Variants in PPP1R14C observed in about 807,000 individuals in gnomAD.
PPP1R14C encodes protein phosphatase 1 regulatory subunit 14C.
PPP1R14C carries 16 observed loss-of-function variants against 20.4 expected under a neutral mutation model. The ratio of observed to expected loss-of-function variants is 0.78; its 90% confidence interval spans 0.53 to 1.19. The LOEUF is 1.19. Ranked by LOEUF, PPP1R14C falls within the 50% of genes most tolerant of loss-of-function variation. PPP1R14C has a pLI of 0.00. For synonymous variants in PPP1R14C, 91 were observed against 91.0 expected, an observed-to-expected ratio of 1.00 and a Z score of 0.00; for missense variants, 211 against 220.1, an observed-to-expected ratio of 0.96 and a Z score of 0.26.
chr6:150,230,648 C>A (rs1214225105), intron 3 of PPP1R14C, among the ~76,000 whole-genome samples: 3 of 152,198 alleles, frequency 2.0e-5, no homozygotes, highest in Non-Finnish European at 4.4e-5. Context: ...GTAATGTATA[C>A]AATCACTGCC....
chr6:150,170,040 T>C (rs1219276652), intron 1 of PPP1R14C, among the ~76,000 whole-genome samples: 1 of 152,194 alleles, frequency 6.6e-6, no homozygotes, highest in Non-Finnish European at 1.5e-5. Flanking sequence ...GAAGAAGTTG[T>C]ATTGCTTTTA....
chr6:150,152,939 G>A (rs1029647539), intron 1 of PPP1R14C, among the ~76,000 whole-genome samples: 5 of 152,214 alleles, frequency 3.3e-5, no homozygotes, highest in African/African-American at 7.2e-5. Context: ...AGGTGAGGTC[G>A]TGAGGGTGGA....
At position 150,185,579 on chromosome 6, in the gene PPP1R14C, C is replaced by G. The variant is rs1402052212; in HGVS notation, c.307-29165C>G. ...GCTGCTGGGTGCAGGGCTCAGGGCT[C>G]CACAGAGTGAAGGCTACCTCTGCAT... On this transcript the variant is annotated intron_variant, in intron 1 of 3. Transcript: ENST00000361131. The surrounding 1 kb of genome is among the most constrained non-coding windows in gnomAD (Gnocchi z 4.1). Among the ~76,000 whole-genome samples the G allele has an allele frequency of 6.6e-6, 1 of 152,092 alleles. No individual in the cohort carries two copies. The highest frequency in any genetic ancestry group is 1.5e-5 in the Non-Finnish European group (1 of 68,028).
At chr6:150,225,330 C>CCGTGACTGGATCCCCATGGAATTTTTAT (rs1273973145) in intron 3 of PPP1R14C, among the ~76,000 whole-genome samples, 1 of 152,142 alleles carries the variant, frequency 6.6e-6, no homozygotes, top group Non-Finnish European at 1.5e-5. Flanking sequence ...CTACCTCTGC[C>CCGTGACTGGATCCCCATGGAATTTTTAT]CGTGACTGGA....
chr6:150,168,493 A>T (rs950107271), intron 1 of PPP1R14C, among the ~76,000 whole-genome samples: 3 of 151,792 alleles, frequency 2.0e-5, no homozygotes, highest in Admixed American at 6.6e-5. Context: ...AGATAGCGCC[A>T]CTACACTCCA....
chr6:150,169,489 C>T (rs1700568280), intron 1 of PPP1R14C, among the ~76,000 whole-genome samples: 1 of 152,044 alleles, frequency 6.6e-6, no homozygotes, highest in South Asian at 2.1e-4. Flanking sequence ...CTGTATATGG[C>T]AGAAAAAAAA....
At chr6:150,194,810 T>C in intron 1 of PPP1R14C, 3 of 985,454 alleles carry the variant, frequency 3.0e-6, no homozygotes, top group South Asian at 9.4e-5. Context: ...TGTTATTCTT[T>C]AGCATCTCAG....
In PPP1R14C at chr6:150,195,169, T is replaced by C. The variant is rs981235480; in HGVS notation, c.307-19575T>C. 4 of 984,580 alleles carry C rather than the reference T, an allele frequency of 4.1e-6. No individual in the cohort carries two copies. In the African/African-American group the frequency reaches 5.2e-5, roughly 13 times the overall value. The allele number at this position is 984,580 out of a possible 1,614,324, so 61.0% of individuals were successfully genotyped here. A position where few individuals can be genotyped will look rare whatever the true frequency, so the allele number is the denominator to read the frequency against. ...TTCAGAAAATGAGTTTTATGGTAGTTTTAAGCCTAAGCATTTTACATGGCA... is the reference window on the plus strand; with the variant it reads ...TTCAGAAAATGAGTTTTATGGTAGTCTTAAGCCTAAGCATTTTACATGGCA... On this transcript the variant is annotated intron_variant, in intron 1 of 3. Transcript: ENST00000361131.
chr6:150,198,433 G>A (rs1338840954), intron 1 of PPP1R14C, among the ~76,000 whole-genome samples: 1 of 152,276 alleles, frequency 6.6e-6, no homozygotes, highest in Non-Finnish European at 1.5e-5. Flanking sequence ...TCTCCAGGGA[G>A]GGGAGAGCTG....
intron 1 of PPP1R14C, among the ~76,000 whole-genome samples, chr6:150,161,965 C>T (rs1402975655): frequency 6.6e-6 from 1 of 152,196 alleles, no homozygotes; most frequent in Non-Finnish European, 1.5e-5. Flanking sequence ...GTCACGTATC[C>T]ACCCTTGCAG....
At chr6:150,248,713 A>G in intron 3 of PPP1R14C, 33 bp from the exon 4 acceptor site, 1 of 1,372,186 alleles carries the variant, frequency 7.3e-7, no homozygotes, top group South Asian at 1.2e-5. Flanking sequence ...TTTAATAGTG[A>G]CCCTCATATT....
intron 1 of PPP1R14C, among the ~76,000 whole-genome samples, chr6:150,154,055 T>A (rs572540300): frequency 6.6e-6 from 1 of 152,366 alleles, no homozygotes; most frequent in Non-Finnish European, 1.5e-5. Flanking sequence ...GACTCTGTCC[T>A]GTTCACAGTT....
Position 150,143,189 on chromosome 6 carries a change from G to A in PPP1R14C, c.-4G>A. On this transcript the variant is annotated 5_prime_UTR_variant, in exon 1 of 4. Transcript: ENST00000361131. This position sits in a 1 kb window ranked among gnomAD's most constrained non-coding sequence, Gnocchi z 5.6. ...GCCGCACTGAGGCTCGGGCGCGCGG[G>A]GACATGTCGGTGGCGACGGGCAGCA... The A allele has an allele frequency of 7.5e-7, 1 of 1,334,298 alleles. No individual in the cohort carries two copies. The allele number at this position is 1,334,298 out of a possible 1,614,324, so 82.7% of individuals were successfully genotyped here. A position where few individuals can be genotyped will look rare whatever the true frequency, so the allele number is the denominator to read the frequency against.
chr6:150,175,076 C>T (rs1345900832), intron 1 of PPP1R14C, among the ~76,000 whole-genome samples: 3 of 152,026 alleles, frequency 2.0e-5, no homozygotes, highest in Non-Finnish European at 2.9e-5. Context: ...ACATTTAATC[C>T]GTGTTGACCA....
chr6:150,152,513 T>C (rs1777260776), intron 1 of PPP1R14C, among the ~76,000 whole-genome samples: 1 of 152,144 alleles, frequency 6.6e-6, no homozygotes, highest in Non-Finnish European at 1.5e-5. Context: ...CCCCCAGCCC[T>C]GCTGTTTCAG....
At chr6:150,162,031 C>A (rs552879118) in intron 1 of PPP1R14C, among the ~76,000 whole-genome samples, 1 of 151,256 alleles carries the variant, frequency 6.6e-6, no homozygotes, top group East Asian at 2.0e-4. Flanking sequence ...TATCCATTTA[C>A]CCCCCTCCGT....
chr6:150,202,105 G>A (rs1335810335), intron 1 of PPP1R14C, among the ~76,000 whole-genome samples: 2 of 152,172 alleles, frequency 1.3e-5, no homozygotes, highest in East Asian at 3.9e-4. Flanking sequence ...CCCTGGTGTA[G>A]CCTTGCATCA....
At chr6:150,215,366 G>A (rs1198517906) in intron 2 of PPP1R14C, among the ~76,000 whole-genome samples, 1 of 152,228 alleles carries the variant, frequency 6.6e-6, no homozygotes, top group Non-Finnish European at 1.5e-5. Context: ...TTAGTGGACA[G>A]CAATAAAGTA....
At chr6:150,239,293 G>A (rs1232742767) in intron 3 of PPP1R14C, among the ~76,000 whole-genome samples, 1 of 152,158 alleles carries the variant, frequency 6.6e-6, no homozygotes, top group Admixed American at 6.5e-5. Context: ...TTAATAAGAT[G>A]TACACAGAAC....
Sources: gnomAD v4.1 joint callset for allele counts (sites outside exome capture counted in the v4.1 genomes callset) on GRCh38, gnomAD v4.1.1 for gene constraint, Gnocchi (gnomAD v3.1) non-coding constraint, MANE v1.5 for transcripts, NCBI Gene and HGNC (gene_info 2026-07-23, HGNC 2026-07-21) for gene names.